GRID2: variants seen among roughly 807,000 people sequenced by gnomAD.
GRID2 encodes glutamate receptor ionotropic, delta-2.
GRID2 carries 33 observed loss-of-function variants against 114.8 expected under a neutral mutation model. The observed-to-expected ratio is 0.29, with a 90% CI of 0.22 to 0.38. The LOEUF is 0.38. Among genes scored for constraint, GRID2 ranks in the 10% least tolerant of loss-of-function variants. GRID2 has a pLI of 1.00. For synonymous variants in GRID2, 505 were observed against 449.9 expected, an observed-to-expected ratio of 1.12 and a Z score of -1.55; for missense variants, 1,184 against 1,257.7, an observed-to-expected ratio of 0.94 and a Z score of 0.89.
At chr4:92,325,176 A>G (rs1412111177) in intron 1 of GRID2, among the ~76,000 whole-genome samples, 1 of 151,914 alleles carries the variant, frequency 6.6e-6, no homozygotes, top group African/African-American at 2.4e-5. Context: ...AGCTTGTCAC[A>G]TGTGTCTCAG....
intron 13 of GRID2, among the ~76,000 whole-genome samples, chr4:93,557,868 T>C (rs1406368982): frequency 2.0e-5 from 3 of 152,050 alleles, no homozygotes; most frequent in Non-Finnish European, 4.4e-5. Context: ...TGCAAAAGAA[T>C]GGAAATCATA....
intron 1 of GRID2, among the ~76,000 whole-genome samples, chr4:92,331,076 C>T (rs529886012): frequency 1.3e-5 from 2 of 152,164 alleles, no homozygotes; most frequent in Admixed American, 1.3e-4. Flanking sequence ...ACTTGTAGTT[C>T]ATAGGAGATT....
At chr4:93,800,658 G>T (rs1175551797) in intron 1 of GRID2, among the ~76,000 whole-genome samples, 1 of 152,232 alleles carries the variant, frequency 6.6e-6, no homozygotes, top group African/African-American at 2.4e-5. Context: ...ACTTGCATGG[G>T]TAGTTATAAA....
intron 1 of GRID2, among the ~76,000 whole-genome samples, chr4:93,793,253 G>A (rs758454997): frequency 6.6e-6 from 1 of 152,150 alleles, no homozygotes; most frequent in Non-Finnish European, 1.5e-5. Flanking sequence ...CAAAAGCTGT[G>A]TAAGAAAATG....
intron 2 of GRID2, among the ~76,000 whole-genome samples, chr4:92,618,860 A>G (rs1391854096): frequency 1.3e-5 from 2 of 151,690 alleles, no homozygotes; most frequent in Non-Finnish European, 2.9e-5. Context: ...AAGACTACTG[A>G]TTTTTGAATG....
chr4:93,279,633 C>T (rs576724763), intron 8 of GRID2, among the ~76,000 whole-genome samples: 3 of 151,906 alleles, frequency 2.0e-5, no homozygotes, highest in South Asian at 2.1e-4. Flanking sequence ...TTAGATATTT[C>T]GACTCCTAAG....
chr4:93,367,559 C>T lies in GRID2; in HGVS notation c.1246-28048C>T, dbSNP rs927226010. 5.3e-5 allele frequency among the ~76,000 whole-genome samples: 8 copies of T among 152,006 alleles called. No individual in the cohort carries two copies. In the East Asian group the frequency reaches 1.3e-3, roughly 26 times the overall value. On this transcript the variant is annotated intron_variant, in intron 8 of 15. Coordinates refer to ENST00000282020, the MANE Select transcript of GRID2 (RefSeq NM_001510.4). Reference sequence around the variant, plus strand: ...AGCACAGCCATAAGAAATAAATATACGAATAGGTTAATACAGAGGAAATTG... The same window carrying T: ...AGCACAGCCATAAGAAATAAATATATGAATAGGTTAATACAGAGGAAATTG...
chr4:92,881,129 C>T (rs1395058416), intron 2 of GRID2, among the ~76,000 whole-genome samples: 1 of 152,180 alleles, frequency 6.6e-6, no homozygotes. Flanking sequence ...AATCCAAAGC[C>T]TGACCTCAGG....
chr4:93,203,784 T>C (rs957195745), intron 4 of GRID2, among the ~76,000 whole-genome samples: 3 of 152,142 alleles, frequency 2.0e-5, no homozygotes, highest in Non-Finnish European at 2.9e-5. Flanking sequence ...GTCTGCTCCA[T>C]GCACTGGAGC....
intron 11 of GRID2, among the ~76,000 whole-genome samples, chr4:93,476,547 A>G (rs1461062556): frequency 2.0e-5 from 3 of 152,282 alleles, no homozygotes; most frequent in East Asian, 3.9e-4. Flanking sequence ...CCCTTATAAA[A>G]TATCTAGCAT....
chr4:92,885,524 A>G (rs1406146601), intron 2 of GRID2, among the ~76,000 whole-genome samples: 1 of 152,244 alleles, frequency 6.6e-6, no homozygotes, highest in East Asian at 1.9e-4. Context: ...TAAAGTGCCA[A>G]GAATGAAAAG....
intron 1 of GRID2, among the ~76,000 whole-genome samples, chr4:92,530,508 G>GA (rs70942906): frequency 0.05 from 5,322 of 107,176 alleles, 190 homozygotes; most frequent in Middle Eastern, 0.1. Flanking sequence ...GACTAGTACA[G>GA]AAAAAAAAAA....
chr4:93,510,373 T>C (rs1010628737), intron 12 of GRID2, among the ~76,000 whole-genome samples: 4 of 152,158 alleles, frequency 2.6e-5, no homozygotes, highest in Non-Finnish European at 4.4e-5. Context: ...TTAAGTTTTA[T>C]GTGGATAGTG....
intron 14 of GRID2, among the ~76,000 whole-genome samples, chr4:93,762,207 G>GA (rs995283212): frequency 6.6e-5 from 10 of 152,054 alleles, no homozygotes; most frequent in African/African-American, 2.2e-4. Context: ...TTCAGTGTGT[G>GA]AAAAAAATAA....
chr4:93,682,856 CACCAGCATGGCACATGTAT>C (rs1288353222), intron 14 of GRID2, among the ~76,000 whole-genome samples: 1 of 151,056 alleles, frequency 6.6e-6, no homozygotes, highest in Non-Finnish European at 1.5e-5. Flanking sequence ...GGGTGGAGCA[CACCAGCATGGCACATGTAT>C]ACATATGTAA....
chr4:92,376,344 C>T (rs1184254140), intron 1 of GRID2, among the ~76,000 whole-genome samples: 2 of 152,022 alleles, frequency 1.3e-5, no homozygotes, highest in Admixed American at 1.3e-4. Context: ...AAAATGACCT[C>T]CTTCATATCT....
intron 9 of GRID2, among the ~76,000 whole-genome samples, chr4:93,414,934 G>T (rs996589734): frequency 2.0e-5 from 3 of 151,674 alleles, no homozygotes; most frequent in Non-Finnish European, 1.5e-5. Context: ...GTTTTATATG[G>T]TTTTTATCTT....
chr4:92,699,881 A>G (rs1734588679), intron 2 of GRID2, among the ~76,000 whole-genome samples: 1 of 152,188 alleles, frequency 6.6e-6, no homozygotes, highest in Admixed American at 6.5e-5. Context: ...CTGATTTACA[A>G]AAATCTGTGT....
chr4:92,937,781 C>A (rs1247809403), intron 2 of GRID2, among the ~76,000 whole-genome samples: 1 of 146,222 alleles, frequency 6.8e-6, no homozygotes, highest in Non-Finnish European at 1.5e-5. Context: ...TGCATTGAGC[C>A]TGTAGATTGC....
Sources: allele counts gnomAD v4.1 joint callset (sites outside exome capture counted in the v4.1 genomes callset), GRCh38; gene constraint gnomAD v4.1.1; transcripts MANE v1.5; gene names NCBI Gene and HGNC (gene_info 2026-07-23, HGNC 2026-07-21).